CSMD1: variants seen among roughly 807,000 people sequenced by gnomAD.
CSMD1 encodes CUB and sushi domain-containing protein 1.
Under a neutral mutation model 417.5 loss-of-function variants are expected in CSMD1, and 213 were observed. That is an observed-to-expected ratio of 0.51 (90% CI 0.46 to 0.57). CSMD1 has a LOEUF of 0.57. Among genes scored for constraint, CSMD1 ranks in the 20% least tolerant of loss-of-function variants. The probability of loss-of-function intolerance (pLI) is 0.00; values close to 1 mark genes in which losing one functional copy is unlikely to be tolerated. For synonymous variants in CSMD1, 2,862 were observed against 1,736.8 expected (o/e 1.65, Z -16.11); for missense variants, 6,923 against 4,529.7 (o/e 1.53, Z -15.17).
At chr8:4,561,812 T>C (rs1177067510) in intron 2 of CSMD1, among the ~76,000 whole-genome samples, 5 of 152,196 alleles carry the variant, frequency 3.3e-5, no homozygotes, top group African/African-American at 1.2e-4. Flanking sequence ...GTTATGAACA[T>C]ACCTGTTGAC....
rs559755026 is a variant in CSMD1, at chr8:3,186,366, G to C, written c.5620+1503C>G. Among the ~76,000 whole-genome samples the C allele has an allele frequency of 1.6e-4, 25 of 152,250 alleles. 1 individual carries two copies. The East Asian group carries it at 4.8e-3, about 29-fold the overall frequency. ...AGTTCTAGCTTTTAAGGACAGTAATGGGCTATTTGAAATAAAAGTTCCTAA... is the reference window on the plus strand; with the variant it reads ...AGTTCTAGCTTTTAAGGACAGTAATCGGCTATTTGAAATAAAAGTTCCTAA... On this transcript the variant is annotated intron_variant, in intron 36 of 69. Coordinates refer to ENST00000635120, the MANE Select transcript of CSMD1 (RefSeq NM_033225.6).
intron 12 of CSMD1, among the ~76,000 whole-genome samples, chr8:3,411,750 GTGTATATA>G (rs1812730088): frequency 2.5e-5 from 3 of 121,144 alleles, no homozygotes; most frequent in African/African-American, 9.6e-5. Flanking sequence ...ATATATACAC[GTGTATATA>G]CGTGTATATA....
intron 3 of CSMD1, among the ~76,000 whole-genome samples, chr8:4,300,304 T>G (rs1403809858): frequency 6.6e-6 from 1 of 152,218 alleles, no homozygotes; most frequent in Non-Finnish European, 1.5e-5. Flanking sequence ...TGGGGAAATA[T>G]GAGGGGACCT....
At chr8:4,300,821 G>A (rs1797944551) in intron 3 of CSMD1, among the ~76,000 whole-genome samples, 1 of 152,148 alleles carries the variant, frequency 6.6e-6, no homozygotes, top group African/African-American at 2.4e-5. Flanking sequence ...TGCTGAGAAT[G>A]ATGGTTTCCA....
intron 45 of CSMD1, chr8:3,106,901 G>T: frequency 3.1e-6 from 1 of 324,836 alleles, no homozygotes; most frequent in Non-Finnish European, 5.6e-6. Flanking sequence ...ATCCGTGTTG[G>T]TTTCCCTTCC....
chr8:3,030,892 AT>A (rs1392584293), intron 50 of CSMD1, among the ~76,000 whole-genome samples: 3 of 152,056 alleles, frequency 2.0e-5, no homozygotes, highest in Non-Finnish European at 4.4e-5. Context: ...CTATATAAAA[AT>A]ATACAGAAAA....
intron 42 of CSMD1, among the ~76,000 whole-genome samples, chr8:3,111,899 T>G (rs1372155712): frequency 6.6e-6 from 1 of 152,150 alleles, no homozygotes; most frequent in Non-Finnish European, 1.5e-5. Flanking sequence ...TGTCTCCTGT[T>G]GGCAGTGCAC....
chr8:3,518,029 T>C (rs559912906), intron 10 of CSMD1, among the ~76,000 whole-genome samples: 3 of 152,230 alleles, frequency 2.0e-5, no homozygotes, highest in African/African-American at 7.2e-5. Flanking sequence ...TAGAAAATTA[T>C]CTCCCTCAAG....
intron 3 of CSMD1, among the ~76,000 whole-genome samples, chr8:4,152,444 G>A (rs572575782): frequency 3.0e-4 from 45 of 151,926 alleles, no homozygotes; most frequent in African/African-American, 1.0e-3. Flanking sequence ...TTTGGCCAAG[G>A]CAAGTGGCTT....
intron 3 of CSMD1, among the ~76,000 whole-genome samples, chr8:4,091,214 C>T (rs976135605): frequency 1.3e-5 from 2 of 151,990 alleles, no homozygotes; most frequent in Non-Finnish European, 2.9e-5. Context: ...CCACCACGCC[C>T]TGCCAAAAGC....
intron 3 of CSMD1, among the ~76,000 whole-genome samples, chr8:4,370,548 C>A (rs139240710): frequency 6.6e-6 from 1 of 152,184 alleles, no homozygotes; most frequent in South Asian, 2.1e-4. Context: ...AAGTTTCTTG[C>A]TCTCTTTCTC....
intron 3 of CSMD1, among the ~76,000 whole-genome samples, chr8:4,352,785 T>G (rs941948998): frequency 6.6e-6 from 1 of 152,216 alleles, no homozygotes; most frequent in Non-Finnish European, 1.5e-5. Flanking sequence ...ACTGTTGGAA[T>G]GTGGACATGG....
chr8:3,031,249 G>T (rs185351744), intron 50 of CSMD1, among the ~76,000 whole-genome samples: 1 of 145,938 alleles, frequency 6.9e-6, no homozygotes, highest in African/African-American at 2.5e-5. Flanking sequence ...TCACTCATAG[G>T]TGGGAATTGA....
chr8:4,371,902 G>C (rs761162151), intron 3 of CSMD1, among the ~76,000 whole-genome samples: 1 of 152,234 alleles, frequency 6.6e-6, no homozygotes, highest in African/African-American at 2.4e-5. Context: ...AAGTTAAGAA[G>C]GGAAGTGTGG....
At chr8:4,628,322 G>A (rs936820747) in intron 2 of CSMD1, among the ~76,000 whole-genome samples, 4 of 150,156 alleles carry the variant, frequency 2.7e-5, no homozygotes, top group African/African-American at 9.8e-5. Context: ...TTAAGTTTTA[G>A]GAAGTCCAAT....
At chr8:4,148,989 G>C (rs779337639) in intron 3 of CSMD1, among the ~76,000 whole-genome samples, 1 of 148,062 alleles carries the variant, frequency 6.8e-6, no homozygotes, top group African/African-American at 2.5e-5. Flanking sequence ...TTGAGATGGA[G>C]TTTCACTCTT....
intron 1 of CSMD1, among the ~76,000 whole-genome samples, chr8:4,950,539 GT>G (rs1206235381): frequency 6.6e-6 from 1 of 152,106 alleles, no homozygotes; most frequent in East Asian, 1.9e-4. Flanking sequence ...AAAGTAAGTT[GT>G]TTTTAGTAAA....
intron 2 of CSMD1, among the ~76,000 whole-genome samples, chr8:4,494,241 T>C (rs1408286968): frequency 6.6e-6 from 1 of 152,216 alleles, no homozygotes; most frequent in African/African-American, 2.4e-5. Flanking sequence ...CCATGTAAAC[T>C]GAACAAACGT....
intron 3 of CSMD1, among the ~76,000 whole-genome samples, chr8:4,350,291 T>G (rs1033713044): frequency 6.6e-6 from 1 of 152,216 alleles, no homozygotes; most frequent in East Asian, 1.9e-4. Context: ...TGCAGGTGAC[T>G]GTGCTGTCTA....
Sources: allele counts gnomAD v4.1 joint callset (sites outside exome capture counted in the v4.1 genomes callset), GRCh38; gene constraint gnomAD v4.1.1; transcripts MANE v1.5; gene names NCBI Gene and HGNC (gene_info 2026-07-23, HGNC 2026-07-21).